The following SND1 variants were observed in gnomAD, a reference collection of about 807,000 sequenced individuals.
The protein encoded by SND1 is staphylococcal nuclease and tudor domain containing 1.
In SND1, 38 loss-of-function variants were observed where a neutral mutation model predicts 121.7. The ratio of observed to expected loss-of-function variants is 0.31; its 90% CI spans 0.24 to 0.41. The LOEUF (loss-of-function observed/expected upper bound fraction) is 0.41. SND1 is among the 10% of genes least tolerant of loss of function. The pLI is 1.00. For missense variants in SND1, 868 were observed against 1,184.6 expected (o/e 0.73, Z 3.92); for synonymous variants, 401 against 447.4 (o/e 0.90, Z 1.31).
chr7:127,807,929 A>C (rs980685021), intron 11 of SND1, among the ~76,000 whole-genome samples: 1 of 152,082 alleles, frequency 6.6e-6, no homozygotes, highest in African/African-American at 2.4e-5. Context: ...CTAGCGAGGG[A>C]AGGTTGCTGC....
chr7:127,944,354 G>C (rs191503735), intron 15 of SND1, among the ~76,000 whole-genome samples: 2 of 152,336 alleles, frequency 1.3e-5, no homozygotes, highest in Admixed American at 1.3e-4. Context: ...TGAGATTGCT[G>C]TTCCCAGATA....
intron 10 of SND1, among the ~76,000 whole-genome samples, chr7:127,763,835 TGTAATCTCA>T (rs1474934161): frequency 1.3e-5 from 2 of 151,876 alleles, no homozygotes; most frequent in South Asian, 2.1e-4. Flanking sequence ...GGCTAATGCC[TGTAATCTCA>T]GTATTTGGGG....
chr7:128,025,385 T>G (rs1803452255), intron 16 of SND1, among the ~76,000 whole-genome samples: 1 of 145,334 alleles, frequency 6.9e-6, no homozygotes, highest in South Asian at 2.2e-4. Context: ...TTAATTTCTC[T>G]GGGGCTCAGT....
intron 12 of SND1, among the ~76,000 whole-genome samples, chr7:127,869,973 A>G (rs1470442250): frequency 6.6e-6 from 1 of 152,110 alleles, no homozygotes; most frequent in Non-Finnish European, 1.5e-5. Context: ...CACTCCTTAT[A>G]TAGTTTGTTC....
At chr7:127,718,796 C>G in intron 9 of SND1, 1 of 942,578 alleles carries the variant, frequency 1.1e-6, no homozygotes, top group Non-Finnish European at 1.3e-6. Context: ...TTTTATTACT[C>G]TCTAAGCATG....
intron 16 of SND1, among the ~76,000 whole-genome samples, chr7:128,005,620 T>G (rs1802955334): frequency 1.3e-5 from 2 of 152,254 alleles, no homozygotes; most frequent in Admixed American, 6.5e-5. Context: ...CCAATGCCTG[T>G]TAGGTTGCTG....
chr7:127,707,700 A>G (rs567376769), intron 9 of SND1, 53 bp downstream of exon 9: 3 of 1,448,828 alleles, frequency 2.1e-6, no homozygotes, highest in African/African-American at 2.8e-5. Context: ...CAGGCGAGTA[A>G]TAATACAAGA....
chr7:127,702,858 A>G (rs947210214), intron 6 of SND1, among the ~76,000 whole-genome samples: 58 of 152,178 alleles, frequency 3.8e-4, no homozygotes, highest in African/African-American at 1.4e-3. Context: ...TTTGGTTTTT[A>G]AAAAATCAGA....
chr7:127,693,150 T>C (rs1185303059), intron 2 of SND1, among the ~76,000 whole-genome samples: 3 of 152,226 alleles, frequency 2.0e-5, no homozygotes, highest in Admixed American at 6.5e-5. Flanking sequence ...CCTAAGGTAA[T>C]AAAAATTTGG....
chr7:127,903,472 C>G (rs755461749), intron 13 of SND1, among the ~76,000 whole-genome samples: 6 of 152,112 alleles, frequency 3.9e-5, no homozygotes, highest in Non-Finnish European at 7.3e-5. Flanking sequence ...TAATTCAGTA[C>G]TTGCCCTCAT....
At chr7:127,949,949 C>G (rs961270601) in intron 15 of SND1, among the ~76,000 whole-genome samples, 1 of 152,172 alleles carries the variant, frequency 6.6e-6, no homozygotes, top group African/African-American at 2.4e-5. Flanking sequence ...AGTTCTCTTC[C>G]TCTCACTGTA....
intron 10 of SND1, among the ~76,000 whole-genome samples, chr7:127,724,860 A>G (rs1370320986): frequency 6.6e-6 from 1 of 152,204 alleles, no homozygotes; most frequent in Admixed American, 6.5e-5. Flanking sequence ...ATGAAGAGTT[A>G]ATGTCTTAGG....
intron 11 of SND1, among the ~76,000 whole-genome samples, chr7:127,842,967 A>G (rs1584611991): frequency 6.6e-6 from 1 of 152,358 alleles, no homozygotes; most frequent in East Asian, 1.9e-4. Context: ...CTGCTTTATC[A>G]TAATGTCTAG....
intron 15 of SND1, among the ~76,000 whole-genome samples, chr7:127,947,163 A>G (rs1801346476): frequency 6.6e-6 from 1 of 152,170 alleles, no homozygotes; most frequent in Admixed American, 6.5e-5. Flanking sequence ...TTGGATCAAA[A>G]CTTAGCATTC....
intron 13 of SND1, chr7:127,904,490 C>G (rs541568700): frequency 3.1e-5 from 9 of 292,836 alleles, no homozygotes; most frequent in African/African-American, 1.5e-4. Context: ...TAAGGCAGCC[C>G]TCTGATTACT....
chr7:127,881,132 C>T (rs1374563347), intron 12 of SND1, among the ~76,000 whole-genome samples: 1 of 152,050 alleles, frequency 6.6e-6, no homozygotes, highest in Non-Finnish European at 1.5e-5. Flanking sequence ...TGCAGCTTCA[C>T]TTCTCACCTT....
At chr7:127,860,657 C>A (rs994750343) in intron 12 of SND1, among the ~76,000 whole-genome samples, 1 of 152,132 alleles carries the variant, frequency 6.6e-6, no homozygotes, top group South Asian at 2.1e-4. Context: ...ATCTGGCTAG[C>A]GACTGTTTAT....
chr7:127,953,151 C>CCT (rs1801500649), intron 15 of SND1, among the ~76,000 whole-genome samples: 6 of 92,272 alleles, frequency 6.5e-5, no homozygotes, highest in Non-Finnish European at 1.1e-4. Flanking sequence ...GTGACAAGAC[C>CCT]GTGTGTGTGT....
intron 14 of SND1, among the ~76,000 whole-genome samples, chr7:127,922,146 A>ATG (rs1251852891): frequency 8.5e-6 from 1 of 117,354 alleles, no homozygotes; most frequent in African/African-American, 3.5e-5. Flanking sequence ...GTGCAGCACC[A>ATG]TGCCCAGCTG....
Sources: allele counts gnomAD v4.1 joint callset (sites outside exome capture counted in the v4.1 genomes callset), GRCh38; gene constraint gnomAD v4.1.1; transcripts MANE v1.5; gene names NCBI Gene and HGNC (gene_info 2026-07-23, HGNC 2026-07-21).